The following TOP3A variants were observed in gnomAD, a reference collection of about 807,000 sequenced individuals.
TOP3A encodes DNA topoisomerase 3-alpha.
In TOP3A, 64 loss-of-function variants were observed where a neutral mutation model predicts 111.3. The ratio of observed to expected loss-of-function variants is 0.57; its 90% confidence interval spans 0.47 to 0.71. The LOEUF is 0.71. Among genes scored for constraint, TOP3A ranks in the 30% least tolerant of loss-of-function variants. The pLI is 0.00. For synonymous variants in TOP3A, 484 were observed against 485.1 expected, an observed-to-expected ratio of 1.00 and a Z score of 0.03; for missense variants, 1,104 against 1,285.0, an observed-to-expected ratio of 0.86 and a Z score of 2.15.
intron 8 of TOP3A, 84 bp from the exon 9 acceptor site, chr17:18,299,717 T>C (rs569704941): frequency 6.3e-5 from 83 of 1,312,850 alleles, no homozygotes; most frequent in African/African-American, 1.3e-4. Flanking sequence ...TGCCAATCCT[T>C]CTAGATCACA....
chr17:18,302,191 T>A, intron 7 of TOP3A, 73 bp downstream of exon 7: 4 of 1,514,392 alleles, frequency 2.6e-6, no homozygotes, highest in Middle Eastern at 2.4e-4. Flanking sequence ...ATTAGTGCTA[T>A]TAATGCTCAC....
intron 10 of TOP3A, 72 bp downstream of exon 10, chr17:18,294,631 A>G (rs1315890269): frequency 6.4e-6 from 8 of 1,251,670 alleles, no homozygotes; most frequent in Non-Finnish European, 9.3e-6. Context: ...CCCAACCCAT[A>G]AACTCTATTT....
Position 18,308,427 on chromosome 17 carries a change from G to T in TOP3A, c.241-3C>A. 2 of 1,584,722 alleles carry T rather than the reference G, an allele frequency of 1.3e-6. No individual in the cohort carries two copies. Among genetic ancestry groups the T allele is most frequent in the South Asian group, 1.2e-5 (1 of 85,614 alleles). ...GAAGTCATTACCATGGTAACATTCT[G>T]AATGATGACAAAATTCAAAATTCAG... On this transcript the variant is annotated splice_region_variant and splice_polypyrimidine_tract_variant and intron_variant, in intron 2 of 18. Transcript: ENST00000321105.
At position 18,277,816 on chromosome 17, in the gene TOP3A, A is replaced by G. The variant is rs931844120; in HGVS notation, c.2686T>C (p.Ser896Pro). 1 of 1,613,960 alleles carries G rather than the reference A, an allele frequency of 6.2e-7. No homozygotes were observed. Among genetic ancestry groups the G allele is most frequent in the African/African-American group, 1.3e-5 (1 of 74,910 alleles). Reference protein sequence around the residue: ...NPGDGSGSGTSCLCSQPSVTR... With the variant: ...NPGDGSGSGTPCLCSQPSVTR... ...ACGGAGGGCTGGCTGCAAAGGCAGGATGTGCCACTACCACTGCCATCACCA... is the reference window on the plus strand; with the variant it reads ...ACGGAGGGCTGGCTGCAAAGGCAGGGTGTGCCACTACCACTGCCATCACCA... The change falls in exon 18 of 19, where the codon TCC (serine) becomes CCC (proline). Residue 896 changes from serine (S) to proline (P), a missense_variant. Ser to Pro is a moderately conservative substitution (Grantham distance 74). Coordinates refer to ENST00000321105, the MANE Select transcript of TOP3A (RefSeq NM_004618.5).
chr17:18,292,514 T>C (rs1454734090), intron 11 of TOP3A, 131 bp downstream of exon 11: 3 of 887,120 alleles, frequency 3.4e-6, no homozygotes, highest in African/African-American at 1.7e-5. Flanking sequence ...AGGCAGAGGA[T>C]TGTGAAATGA....
rs1981096551 is a variant in TOP3A at position 18,299,595 on chromosome 17, G to A, written c.954C>T (p.Pro318=). ...MATVVEVRSK[P]KSKWRPQALD... ...AGGCTTGAGGCCGCCACTTGCTCTT[G>A]GGCTTAGATCTGACCTCTACCACAG... Residue 318 remains proline (P), a synonymous_variant, in exon 9 of 19, where the codon CCC becomes CCT. Coordinates refer to ENST00000321105, the MANE Select transcript of TOP3A (RefSeq NM_004618.5). 6.2e-7 allele frequency: 1 copy of A among 1,613,964 alleles called. No individual in the cohort carries two copies.
intron 3 of TOP3A, 22 bp from the exon 4 acceptor site, chr17:18,306,988 A>G (rs765459922): frequency 9.8e-5 from 155 of 1,580,188 alleles, no homozygotes; most frequent in Non-Finnish European, 1.3e-4. Flanking sequence ...ATGAAAACAG[A>G]GTCCCAACTC....
intron 16 of TOP3A, among the ~76,000 whole-genome samples, chr17:18,280,866 G>A (rs1247672810): frequency 2.6e-5 from 4 of 152,230 alleles, no homozygotes; most frequent in Admixed American, 2.0e-4. Context: ...GCTATTGCTG[G>A]CCCTGCTTTC....
In TOP3A at chr17:18,299,743, T is replaced by C; in HGVS notation, c.916-110A>G. On this transcript the variant is annotated intron_variant, in intron 8 of 18. Transcript: ENST00000321105. ...CTAGATCACACTGACCACCGCCAGCTAAGCCCGCAGTGACAGCCTAGAAGA... is the reference window on the plus strand; with the variant it reads ...CTAGATCACACTGACCACCGCCAGCCAAGCCCGCAGTGACAGCCTAGAAGA... 7.8e-6 allele frequency: 8 copies of C among 1,019,510 alleles called. No individual in the cohort carries two copies. In the South Asian group the frequency reaches 1.0e-4, roughly 13 times the overall value. The allele number at this position is 1,019,510 out of a possible 1,614,324, so 63.2% of individuals were successfully genotyped here.
chr17:18,302,488 AG>A, intron 6 of TOP3A, 54 bp from the exon 7 acceptor site: 4 of 1,595,852 alleles, frequency 2.5e-6, no homozygotes, highest in Non-Finnish European at 3.4e-6. Context: ...ATGAGAGTCC[AG>A]GGCTGGCTGC....
intron 9 of TOP3A, among the ~76,000 whole-genome samples, chr17:18,295,500 T>G (rs1229448500): frequency 2.0e-5 from 3 of 151,594 alleles, no homozygotes; most frequent in African/African-American, 7.3e-5. Flanking sequence ...TCGCTCTTGT[T>G]GCCCAGACTG....
intron 7 of TOP3A, 127 bp downstream of exon 7, chr17:18,302,137 G>A (rs1005821134): frequency 2.8e-5 from 39 of 1,369,564 alleles, no homozygotes; most frequent in Non-Finnish European, 3.5e-5. Flanking sequence ...GGATTGTAAT[G>A]GGCCAGGGAG....
chr17:18,290,596 C>T lies in TOP3A; in HGVS notation c.1558G>A (p.Glu520Lys), dbSNP rs367956874. 13 of 1,609,642 alleles carry T rather than the reference C, an allele frequency of 8.1e-6. No individual in the cohort carries two copies. Among genetic ancestry groups the T allele is most frequent in the Non-Finnish European group, 1.1e-5 (13 of 1,177,484 alleles). Residue 520 changes from glutamate (E) to lysine (K), a missense_variant, in exon 13 of 19, where the codon GAG (glutamate) becomes AAG (lysine). Physicochemically the swap from Glu to Lys is moderately conservative, Grantham distance 56. Transcript: ENST00000321105. ...TCCATGAGGGCAATGAGGTCGGCCT[C>T]GGTGAGCAGCTTGGGTGGGCTGGTC... is the stretch of plus-strand genomic sequence containing the variant. ...GETSPPKLLT[E>K]ADLIALMEKH...
In TOP3A at chr17:18,290,493, C is replaced by T. The variant is rs1340367871; in HGVS notation, c.1597+64G>A. The T allele has an allele frequency of 4.8e-6, 7 of 1,444,430 alleles. No homozygotes were observed. In the East Asian group the frequency reaches 1.2e-4, roughly 25 times the overall value. The allele number at this position is 1,444,430 out of a possible 1,614,324, so 89.5% of individuals were successfully genotyped here. A position where few individuals can be genotyped will look rare whatever the true frequency, so the allele number is the denominator to read the frequency against. On this transcript the variant is annotated intron_variant, in intron 13 of 18. Coordinates refer to ENST00000321105, the MANE Select transcript of TOP3A (RefSeq NM_004618.5). ...AGAATGGTTTGAAGACTAGAGGAAACCTGTACCTGGTACACTGTAAGCCTT... is the reference window on the plus strand; with the variant it reads ...AGAATGGTTTGAAGACTAGAGGAAATCTGTACCTGGTACACTGTAAGCCTT...
chr17:18,297,893 G>T (rs1270581063), intron 9 of TOP3A, among the ~76,000 whole-genome samples: 9 of 151,832 alleles, frequency 5.9e-5, no homozygotes, highest in African/African-American at 2.2e-4. Flanking sequence ...CATCGTCTGG[G>T]ATGTGAGGAG....
chr17:18,293,211 G>C lies in TOP3A; in HGVS notation c.1074-359C>G, dbSNP rs556568169. Among the ~76,000 whole-genome samples the C allele has an allele frequency of 1.6e-4, 25 of 152,364 alleles. No homozygotes were observed. The South Asian group carries it at 5.0e-3, about 30-fold the overall frequency. ...TCACTGACCCTGACAAGTTCCACCAGCGTGTGCTTCAAGACTTTTCTTAGA... is the reference window on the plus strand; with the variant it reads ...TCACTGACCCTGACAAGTTCCACCACCGTGTGCTTCAAGACTTTTCTTAGA... On this transcript the variant is annotated intron_variant, in intron 10 of 18. Coordinates refer to ENST00000321105, the MANE Select transcript of TOP3A (RefSeq NM_004618.5).
chr17:18,305,983 C>T (rs952724216), intron 4 of TOP3A, among the ~76,000 whole-genome samples: 1 of 152,108 alleles, frequency 6.6e-6, no homozygotes, highest in African/African-American at 2.4e-5. Flanking sequence ...GGGTGGATCA[C>T]GTGAGGTCAG....
intron 8 of TOP3A, among the ~76,000 whole-genome samples, chr17:18,300,379 C>T (rs1239174450): frequency 6.7e-6 from 1 of 150,294 alleles, no homozygotes; most frequent in Non-Finnish European, 1.5e-5. Flanking sequence ...GGCAAATGAG[C>T]TAGACTTTGT....
At chr17:18,311,296 G>C (rs911792485) in intron 1 of TOP3A, among the ~76,000 whole-genome samples, 1 of 145,786 alleles carries the variant, frequency 6.9e-6, no homozygotes, top group African/African-American at 2.6e-5. Flanking sequence ...CACCATGCCT[G>C]GCCTAATTTT....
Sources: gnomAD v4.1 joint callset for allele counts (sites outside exome capture counted in the v4.1 genomes callset) on GRCh38, gnomAD v4.1.1 for gene constraint, MANE v1.5 for transcripts, NCBI Gene and HGNC (gene_info 2026-07-23, HGNC 2026-07-21) for gene names.